The following DYSF variants were observed in gnomAD, a reference collection of about 807,000 sequenced individuals.
The protein encoded by DYSF is dysferlin.
A neutral mutation model predicts 274.9 loss-of-function variants in DYSF; 212 were observed. That is an observed-to-expected ratio of 0.77 (90% CI 0.69 to 0.86). The LOEUF (loss-of-function observed/expected upper bound fraction) is 0.86, where lower values mean the gene tolerates loss of function less well. Among genes scored for constraint, DYSF ranks in the 40% least tolerant of loss-of-function variants. DYSF has a pLI of 0.00. For synonymous variants in DYSF, 1,091 were observed against 1,078.7 expected, an observed-to-expected ratio of 1.01 and a Z score of -0.22; for missense variants, 2,666 against 2,783.2, an observed-to-expected ratio of 0.96 and a Z score of 0.95.
At chr2:71,543,900 AC>A (rs1159372899) in intron 17 of DYSF, among the ~76,000 whole-genome samples, 3 of 139,834 alleles carry the variant, frequency 2.1e-5, no homozygotes, top group African/African-American at 8.2e-5. Context: ...GGAGAGGGAG[AC>A]CGTGGGGAGA....
intron 53 of DYSF, among the ~76,000 whole-genome samples, chr2:71,679,748 A>G (rs1287603376): frequency 6.6e-6 from 1 of 152,166 alleles, no homozygotes; most frequent in Non-Finnish European, 1.5e-5. Flanking sequence ...CAGCCAGCCA[A>G]CCCTGAAAGT....
chr2:71,514,536 A>G (rs551584577), intron 7 of DYSF, among the ~76,000 whole-genome samples: 1 of 152,290 alleles, frequency 6.6e-6, no homozygotes, highest in South Asian at 2.1e-4. Context: ...TTATCCAAAA[A>G]TCCATCCCAT....
At chr2:71,454,189 CTT>C in intron 1 of DYSF, 3 of 1,176,350 alleles carry the variant, frequency 2.6e-6, no homozygotes, top group Non-Finnish European at 3.7e-6. Context: ...AGACAGGAGA[CTT>C]TCTGGCCCCG....
chr2:71,612,439 C>T (rs1159316980), intron 38 of DYSF, among the ~76,000 whole-genome samples: 3 of 152,174 alleles, frequency 2.0e-5, no homozygotes, highest in Non-Finnish European at 2.9e-5. Context: ...GGGGGAAAGC[C>T]GGCCTCTGCA....
rs77298047 is a variant in DYSF, at chr2:71,552,915, G to A, written c.1807-96G>A. The A allele has an allele frequency of 1.6e-4, 216 of 1,355,746 alleles. 2 individuals carry two copies. The East Asian group carries it at 5.0e-3, about 31-fold the overall frequency. 84.0% of individuals were successfully genotyped at this position (1,355,746 alleles called of 1,614,324 possible). A position where few individuals can be genotyped will look rare whatever the true frequency, so the allele number is the denominator to read the frequency against. ...TCCAGCCAGGAGCTATTGGGTGCCG[G>A]TTATGGCCGGGGCCTGCCAGACGTA... is the stretch of plus-strand genomic sequence containing the variant. On this transcript the variant is annotated intron_variant, in intron 19 of 55. Transcript: ENST00000410020.
At chr2:71,479,944 A>C (rs990144182) in intron 1 of DYSF, among the ~76,000 whole-genome samples, 2 of 152,202 alleles carry the variant, frequency 1.3e-5, no homozygotes, top group African/African-American at 4.8e-5. Context: ...CATTTGAACA[A>C]TTTCCACATA....
intron 35 of DYSF, 62 bp downstream of exon 35, chr2:71,601,590 C>T: frequency 6.2e-7 from 1 of 1,606,166 alleles, no homozygotes; most frequent in Non-Finnish European, 8.5e-7. Flanking sequence ...TGTTTGGCAT[C>T]TCTCTGGGTT....
rs771741504 is a variant in DYSF, at chr2:71,520,911, A to T, written c.1149+7A>T. 12 of 1,613,824 alleles carry T rather than the reference A, an allele frequency of 7.4e-6. 1 individual carries two copies. In the Middle Eastern group the frequency reaches 1.2e-3, roughly 156 times the overall value. ...GCCTGGGGACGAAGCGCCTGTGAGT[A>T]CATTTCCCTGGGTCTTCCTTACGGT... is the stretch of plus-strand genomic sequence containing the variant. On this transcript the variant is annotated splice_region_variant and intron_variant, in intron 12 of 55. Transcript: ENST00000410020.
At chr2:71,546,608 CA>C (rs2090498721) in intron 17 of DYSF, among the ~76,000 whole-genome samples, 1 of 152,224 alleles carries the variant, frequency 6.6e-6, no homozygotes, top group African/African-American at 2.4e-5. Context: ...AGGTAACAGG[CA>C]CGTGAGCTCT....
chr2:71,660,678 G>A (rs780550295), intron 45 of DYSF, 27 bp downstream of exon 45: 1 of 1,594,844 alleles, frequency 6.3e-7, no homozygotes, highest in East Asian at 2.2e-5. Flanking sequence ...TGGGTCTTGG[G>A]GTGGAGGAGC....
chr2:71,490,418 C>T lies in DYSF; in HGVS notation c.239+8448C>T, dbSNP rs537754940. ...GCAATGGCACGATCTCAGCTCACTG[C>T]AACCTCCGCCTCCCGGGTTCAAGTG... On this transcript the variant is annotated intron_variant, in intron 3 of 55. Transcript: ENST00000410020. Among the ~76,000 whole-genome samples the T allele has an allele frequency of 9.2e-4, 140 of 152,326 alleles. 3 individuals are homozygous for T. In the South Asian group the frequency reaches 0.014, roughly 15 times the overall value.
chr2:71,577,697 C>A (rs1202645056), intron 30 of DYSF, among the ~76,000 whole-genome samples: 1 of 150,174 alleles, frequency 6.7e-6, no homozygotes, highest in African/African-American at 2.5e-5. Flanking sequence ...CACTCACACT[C>A]CCCCTCCACA....
At chr2:71,575,094 C>G (rs932817419) in intron 30 of DYSF, among the ~76,000 whole-genome samples, 1 of 152,234 alleles carries the variant, frequency 6.6e-6, no homozygotes, top group East Asian at 1.9e-4. Context: ...GAGCAAGCCC[C>G]ATGGGACGTG....
intron 12 of DYSF, among the ~76,000 whole-genome samples, chr2:71,524,712 C>T (rs2087664762): frequency 1.3e-5 from 2 of 152,224 alleles, no homozygotes; most frequent in African/African-American, 4.8e-5. Flanking sequence ...CTCCAGCTGC[C>T]GACTTCCCCA....
chr2:71,634,559 A>G (rs1448567981), intron 41 of DYSF, among the ~76,000 whole-genome samples: 1 of 152,292 alleles, frequency 6.6e-6, no homozygotes, highest in East Asian at 1.9e-4. Context: ...CAGAAATGAC[A>G]TTTTCAAGTC....
chr2:71,675,764 TCTA>T (rs1339557622), intron 52 of DYSF, among the ~76,000 whole-genome samples: 21 of 152,190 alleles, frequency 1.4e-4, no homozygotes, highest in Admixed American at 1.4e-3. Flanking sequence ...CCACCCAATT[TCTA>T]CTAACATTTT....
chr2:71,653,380 A>G (rs563513173), intron 42 of DYSF, among the ~76,000 whole-genome samples: 67 of 152,192 alleles, frequency 4.4e-4, no homozygotes, highest in African/African-American at 1.5e-3. Context: ...TTGCGGCACT[A>G]TTCACAATAG....
At chr2:71,478,507 G>A (rs113265534) in intron 1 of DYSF, among the ~76,000 whole-genome samples, 2,552 of 152,158 alleles carry the variant, frequency 0.017, 83 homozygotes, top group African/African-American at 0.058. Flanking sequence ...CACCGCGCCC[G>A]GCCCAGGCAT....
chr2:71,595,729 G>A (rs990373524), intron 32 of DYSF, among the ~76,000 whole-genome samples: 1 of 152,154 alleles, frequency 6.6e-6, no homozygotes, highest in Non-Finnish European at 1.5e-5. Flanking sequence ...ATCCTCCCTG[G>A]GGCAGCCGTG....
Sources: allele counts gnomAD v4.1 joint callset (sites outside exome capture counted in the v4.1 genomes callset), GRCh38; gene constraint gnomAD v4.1.1; transcripts MANE v1.5; gene names NCBI Gene and HGNC (gene_info 2026-07-23, HGNC 2026-07-21).